The following SUGCT variants were observed in gnomAD, a reference collection of about 807,000 sequenced individuals.
SUGCT encodes succinyl-CoA:glutarate-CoA transferase.
A neutral mutation model predicts 55.0 loss-of-function variants in SUGCT; 41 were observed. The ratio of observed to expected loss-of-function variants is 0.74; its 90% confidence interval spans 0.58 to 0.97. SUGCT has a LOEUF of 0.97. SUGCT is among the 50% of genes least tolerant of loss of function. The pLI, the probability that SUGCT is intolerant of heterozygous loss-of-function variation, is 0.00. For missense variants in SUGCT, 568 were observed against 547.8 expected, an observed-to-expected ratio of 1.04 and a Z score of -0.37; for synonymous variants, 187 against 200.4, an observed-to-expected ratio of 0.93 and a Z score of 0.56.
chr7:40,781,626 T>C (rs75181352), intron 13 of SUGCT, among the ~76,000 whole-genome samples: 1,732 of 152,274 alleles, frequency 0.011, 30 homozygotes, highest in African/African-American at 0.039. Flanking sequence ...AATAAATGTT[T>C]TCTGAGAATG....
the SUGCT span, among the ~76,000 whole-genome samples, chr7:40,914,996 C>T: frequency 6.6e-6 from 1 of 152,134 alleles, no homozygotes; most frequent in Non-Finnish European, 1.5e-5. Flanking sequence ...AAAGTTTATT[C>T]TTACCGTAAT....
chr7:40,597,999 A>G, intron 12 of SUGCT, among the ~76,000 whole-genome samples: 1 of 152,182 alleles, frequency 6.6e-6, no homozygotes, highest in Admixed American at 6.5e-5. Context: ...AGGTCAGGAA[A>G]AGACTGAAAA....
rs1562681042 is a variant in SUGCT, at chr7:40,324,244, A to ATATATATATATAT, written c.816+7389_816+7390insTATATATATATAT. Among the ~76,000 whole-genome samples the ATATATATATATAT allele has an allele frequency of 1.1e-3, 106 of 98,406 alleles. 1 individual carries two copies. The highest frequency in any genetic ancestry group is 3.2e-3 in the African/African-American group (73 of 22,896). The allele number at this position is 98,406 out of a possible 152,430, so 64.6% of individuals were successfully genotyped here. A position where few individuals can be genotyped will look rare whatever the true frequency, so the allele number is the denominator to read the frequency against. On this transcript the variant is annotated intron_variant, in intron 9 of 13. Coordinates refer to ENST00000335693, the MANE Select transcript of SUGCT (RefSeq NM_001193313.2). Reference sequence around the variant, plus strand: ...AGATGATCATATATATAAATAAATAAATAAATAAATATATATATATTTATT... The same window carrying ATATATATATATAT: ...AGATGATCATATATATAAATAAATAATATATATATATATATAAATAAATATATATATATTTATT...
chr7:40,621,216 G>C (rs771692950), intron 12 of SUGCT, among the ~76,000 whole-genome samples: 8 of 152,154 alleles, frequency 5.3e-5, no homozygotes, highest in Non-Finnish European at 1.0e-4. Flanking sequence ...TGGGAAGTCA[G>C]AAATTGAAGA....
the SUGCT span, among the ~76,000 whole-genome samples, chr7:40,905,933 G>C: frequency 2.6e-5 from 4 of 152,014 alleles, 1 homozygote; most frequent in Admixed American, 2.0e-4. Flanking sequence ...GCCCACGCTG[G>C]TCTCAAACTC....
chr7:40,366,242 A>C (rs1055898126), intron 9 of SUGCT, among the ~76,000 whole-genome samples: 1 of 152,156 alleles, frequency 6.6e-6, no homozygotes, highest in Non-Finnish European at 1.5e-5. Flanking sequence ...TCCCTTCCTT[A>C]CACCTTATAC....
At chr7:40,720,079 C>T (rs1786243719) in intron 12 of SUGCT, among the ~76,000 whole-genome samples, 1 of 152,172 alleles carries the variant, frequency 6.6e-6, no homozygotes, top group Admixed American at 6.5e-5. Flanking sequence ...AGGCAGCACA[C>T]CAGGCTGGGA....
intron 7 of SUGCT, among the ~76,000 whole-genome samples, chr7:40,245,423 A>ATTTTTTTTTTTT (rs1168316176): frequency 1.8e-5 from 1 of 54,598 alleles, no homozygotes; most frequent in Non-Finnish European, 3.3e-5. Context: ...ATATATATAT[A>ATTTTTTTTTTTT]TTTTTTTTTT....
At chr7:40,214,047 C>T (rs1042645056) in intron 6 of SUGCT, among the ~76,000 whole-genome samples, 2 of 152,178 alleles carry the variant, frequency 1.3e-5, no homozygotes, top group African/African-American at 4.8e-5. Context: ...TGAAGTCACA[C>T]AGTGCTTGGC....
chr7:40,346,656 G>A (rs541527799), intron 9 of SUGCT, among the ~76,000 whole-genome samples: 16 of 152,198 alleles, frequency 1.1e-4, no homozygotes, highest in South Asian at 8.3e-4. Flanking sequence ...CTGTTGTTAC[G>A]AGCTATATGT....
chr7:41,009,565 C>T, the SUGCT span, among the ~76,000 whole-genome samples: 1 of 151,726 alleles, frequency 6.6e-6, no homozygotes. Flanking sequence ...ATCCATCCTT[C>T]CTTCCATCCA....
intron 7 of SUGCT, among the ~76,000 whole-genome samples, chr7:40,256,001 C>T (rs1293847327): frequency 6.6e-6 from 1 of 152,108 alleles, no homozygotes; most frequent in African/African-American, 2.4e-5. Flanking sequence ...CTTTTTATTC[C>T]ACCATCTTGC....
intron 9 of SUGCT, among the ~76,000 whole-genome samples, chr7:40,407,956 A>T (rs747596855): frequency 2.0e-5 from 3 of 152,088 alleles, no homozygotes; most frequent in Non-Finnish European, 4.4e-5. Context: ...CTTTGAAAGG[A>T]TATTAATGGT....
At chr7:40,976,715 T>C in the SUGCT span, among the ~76,000 whole-genome samples, 2 of 152,176 alleles carry the variant, frequency 1.3e-5, no homozygotes, top group South Asian at 2.1e-4. Context: ...GAGCTGTGTC[T>C]CATGATCCCA....
intron 12 of SUGCT, among the ~76,000 whole-genome samples, chr7:40,606,779 T>C (rs1170375779): frequency 1.3e-5 from 2 of 152,158 alleles, no homozygotes. Flanking sequence ...AAATCAGAAA[T>C]GACTTAAAAA....
At chr7:40,974,617 A>G in the SUGCT span, among the ~76,000 whole-genome samples, 1 of 152,184 alleles carries the variant, frequency 6.6e-6, no homozygotes, top group Admixed American at 6.5e-5. Flanking sequence ...GCAGCCTGAG[A>G]TGACCAATAC....
chr7:40,680,587 C>T (rs867935484), intron 12 of SUGCT, among the ~76,000 whole-genome samples: 4 of 152,232 alleles, frequency 2.6e-5, no homozygotes, highest in Middle Eastern at 6.8e-3. Flanking sequence ...CTACTCACCT[C>T]CCCACCCAAG....
intron 12 of SUGCT, among the ~76,000 whole-genome samples, chr7:40,697,937 A>T (rs1333250333): frequency 6.6e-6 from 1 of 152,220 alleles, no homozygotes; most frequent in African/African-American, 2.4e-5. Context: ...GTTAACAGAC[A>T]TTCCAATTTG....
intron 3 of SUGCT, among the ~76,000 whole-genome samples, chr7:40,186,083 C>T (rs1477843728): frequency 2.0e-5 from 3 of 150,688 alleles, no homozygotes; most frequent in African/African-American, 7.4e-5. Flanking sequence ...CTTTCTTTCT[C>T]TCTTTTTCTT....
Sources: gnomAD v4.1 joint callset for allele counts (sites outside exome capture counted in the v4.1 genomes callset) on GRCh38, gnomAD v4.1.1 for gene constraint, MANE v1.5 for transcripts, NCBI Gene and HGNC (gene_info 2026-07-23, HGNC 2026-07-21) for gene names.